The following BMP5 variants were observed in gnomAD, a reference collection of about 807,000 sequenced individuals.
BMP5 encodes the protein bone morphogenetic protein 5.
Under a neutral mutation model 46.6 loss-of-function variants are expected in BMP5, and 23 were observed. The observed-to-expected ratio is 0.49, with a 90% CI of 0.35 to 0.70. The LOEUF is 0.70. Ranked by LOEUF, BMP5 falls within the 30% of genes least tolerant of loss-of-function variation. The pLI is 0.00. For missense variants in BMP5, 545 were observed against 565.6 expected, an observed-to-expected ratio of 0.96 and a Z score of 0.37; for synonymous variants, 204 against 191.9, an observed-to-expected ratio of 1.06 and a Z score of -0.52.
intron 4 of BMP5, among the ~76,000 whole-genome samples, chr6:55,761,777 T>C (rs1774788241): frequency 6.6e-6 from 1 of 152,158 alleles, no homozygotes; most frequent in Non-Finnish European, 1.5e-5. Flanking sequence ...AAATGCTATG[T>C]CATTTCCTCA....
chr6:55,803,013 G>A (rs1295789030), intron 2 of BMP5, among the ~76,000 whole-genome samples: 2 of 151,946 alleles, frequency 1.3e-5, no homozygotes, highest in African/African-American at 4.8e-5. Flanking sequence ...GGTGCCGGGT[G>A]CGGTGGCTCA....
chr6:55,788,226 A>G (rs1562038257), intron 3 of BMP5, among the ~76,000 whole-genome samples: 1 of 151,710 alleles, frequency 6.6e-6, no homozygotes, highest in Non-Finnish European at 1.5e-5. Context: ...TTGCATTACG[A>G]AAAGCTTGTT....
At chr6:55,782,388 A>AT (rs1554181254) in intron 3 of BMP5, among the ~76,000 whole-genome samples, 1 of 152,262 alleles carries the variant, frequency 6.6e-6, no homozygotes, top group Admixed American at 6.5e-5. Flanking sequence ...TTTCTTCACC[A>AT]TTTTTTCATG....
At chr6:55,828,792 A>G (rs890243830) in intron 1 of BMP5, among the ~76,000 whole-genome samples, 4 of 151,802 alleles carry the variant, frequency 2.6e-5, no homozygotes, top group Admixed American at 1.3e-4. Flanking sequence ...TATAGTTTAA[A>G]GGATATGAGG....
intron 3 of BMP5, among the ~76,000 whole-genome samples, chr6:55,792,192 A>T (rs1169678327): frequency 6.6e-6 from 1 of 152,202 alleles, no homozygotes; most frequent in Non-Finnish European, 1.5e-5. Flanking sequence ...GAAGGTCTGA[A>T]CCTTTGCCTA....
intron 1 of BMP5, among the ~76,000 whole-genome samples, chr6:55,872,839 C>A (rs1280793504): frequency 1.3e-5 from 2 of 151,640 alleles, no homozygotes; most frequent in East Asian, 1.9e-4. Context: ...ACTTTAAATT[C>A]TTGAATAATA....
At chr6:55,770,802 C>T (rs556203048) in intron 4 of BMP5, among the ~76,000 whole-genome samples, 6 of 151,926 alleles carry the variant, frequency 3.9e-5, no homozygotes, top group African/African-American at 9.6e-5. Context: ...TATTGTGTCT[C>T]AGGGAATAGG....
At chr6:55,759,142 CACAAAAAAA>C in intron 5 of BMP5, 27 bp from the exon 6 acceptor site, 2 of 119,562 alleles carry the variant, frequency 1.7e-5, no homozygotes, top group Non-Finnish European at 1.4e-5. Flanking sequence ...CACACACACA[CACAAAAAAA>C]AAAAAAAAAA....
chr6:55,847,380 C>G (rs1024296182), intron 1 of BMP5, among the ~76,000 whole-genome samples: 1 of 151,908 alleles, frequency 6.6e-6, no homozygotes, highest in Admixed American at 6.6e-5. Context: ...CCTACTTACC[C>G]TCACTGTCTT....
intron 6 of BMP5, among the ~76,000 whole-genome samples, chr6:55,755,975 C>T (rs924211690): frequency 2.0e-5 from 3 of 152,024 alleles, no homozygotes; most frequent in Middle Eastern, 3.4e-3. Context: ...AGGGAAAGAA[C>T]ACAGCAACTA....
intron 1 of BMP5, among the ~76,000 whole-genome samples, chr6:55,822,471 T>C (rs1776432155): frequency 6.6e-6 from 1 of 152,296 alleles, no homozygotes; most frequent in Non-Finnish European, 1.5e-5. Flanking sequence ...TCATGATATA[T>C]GCACCAACCA....
chr6:55,827,624 C>A (rs975612872), intron 1 of BMP5, among the ~76,000 whole-genome samples: 1 of 151,672 alleles, frequency 6.6e-6, no homozygotes, highest in African/African-American at 2.4e-5. Context: ...GAAGTATACA[C>A]ATAGTTTACT....
At chr6:55,800,867 T>C (rs1465477662) in intron 2 of BMP5, among the ~76,000 whole-genome samples, 1 of 152,204 alleles carries the variant, frequency 6.6e-6, no homozygotes, top group African/African-American at 2.4e-5. Flanking sequence ...TTCAGAACAC[T>C]TTCTCTTATA....
intron 3 of BMP5, among the ~76,000 whole-genome samples, chr6:55,786,959 T>A (rs573831536): frequency 1.3e-3 from 203 of 151,818 alleles, no homozygotes; most frequent in Admixed American, 2.6e-3. Flanking sequence ...GTTTAAAAGA[T>A]CCTCAGATAA....
intron 1 of BMP5, among the ~76,000 whole-genome samples, chr6:55,850,015 C>G (rs1777188759): frequency 6.6e-6 from 1 of 152,042 alleles, no homozygotes; most frequent in Admixed American, 6.6e-5. Flanking sequence ...TAGTATCTTT[C>G]AAGGTCTATC....
At chr6:55,792,781 C>G (rs1775604253) in intron 3 of BMP5, among the ~76,000 whole-genome samples, 1 of 152,076 alleles carries the variant, frequency 6.6e-6, no homozygotes, top group Non-Finnish European at 1.5e-5. Flanking sequence ...CTTTTACTTA[C>G]CTCTGTGGTT....
chr6:55,870,244 A>G (rs927171964), intron 1 of BMP5, among the ~76,000 whole-genome samples: 2 of 151,906 alleles, frequency 1.3e-5, no homozygotes, highest in Non-Finnish European at 2.9e-5. Context: ...GATTATAACT[A>G]TCTCTGGCAA....
intron 1 of BMP5, among the ~76,000 whole-genome samples, chr6:55,851,122 T>C (rs1403648824): frequency 3.2e-5 from 4 of 124,638 alleles, no homozygotes; most frequent in Admixed American, 1.7e-4. Context: ...TTTTGTTTTG[T>C]TTTGTTTTGT....
chr6:55,845,360 TATTCA>T (rs1777073539), intron 1 of BMP5, among the ~76,000 whole-genome samples: 2 of 151,916 alleles, frequency 1.3e-5, no homozygotes, highest in South Asian at 4.1e-4. Context: ...CTCTGCAGCA[TATTCA>T]CCTGGAACCT....
Sources: allele counts gnomAD v4.1 joint callset (sites outside exome capture counted in the v4.1 genomes callset), GRCh38; gene constraint gnomAD v4.1.1; transcripts MANE v1.5; gene names NCBI Gene and HGNC (gene_info 2026-07-23, HGNC 2026-07-21).